AUTS2: variants seen among roughly 807,000 people sequenced by gnomAD.
The protein encoded by AUTS2 is autism susceptibility gene 2 protein.
Under a neutral mutation model 112.4 loss-of-function variants are expected in AUTS2, and 17 were observed. That is an observed-to-expected ratio of 0.15 (90% CI 0.10 to 0.23). The LOEUF (loss-of-function observed/expected upper bound fraction) is 0.23. Among genes scored for constraint, AUTS2 ranks in the 10% least tolerant of loss-of-function variants. The pLI, the probability that AUTS2 is intolerant of heterozygous loss-of-function variation, is 1.00. For missense variants in AUTS2, 1,510 were observed against 1,701.6 expected (o/e 0.89, Z 1.98); for synonymous variants, 751 against 702.7 (o/e 1.07, Z -1.09).
At chr7:69,936,342 TTTTTGTTTTGTTTTG>T (rs906251052) in intron 2 of AUTS2, among the ~76,000 whole-genome samples, 1 of 152,054 alleles carries the variant, frequency 6.6e-6, no homozygotes, top group Non-Finnish European at 1.5e-5. Flanking sequence ...CTACAGATTT[TTTTTGTTTTGTTTTG>T]TTTTGTTTTT....
chr7:70,507,114 T>G (rs1798995614), intron 5 of AUTS2, among the ~76,000 whole-genome samples: 2 of 152,170 alleles, frequency 1.3e-5, no homozygotes, highest in Admixed American at 1.3e-4. Context: ...GTAAGAACCT[T>G]GAGGAAATAA....
chr7:70,004,726 A>G (rs1420593678), intron 2 of AUTS2, among the ~76,000 whole-genome samples: 1 of 151,812 alleles, frequency 6.6e-6, no homozygotes, highest in Non-Finnish European at 1.5e-5. Flanking sequence ...AAAAAAAATT[A>G]CTTCATTTTC....
intron 2 of AUTS2, among the ~76,000 whole-genome samples, chr7:70,055,001 GTC>G (rs917485830): frequency 2.6e-5 from 4 of 151,886 alleles, no homozygotes; most frequent in African/African-American, 9.7e-5. Flanking sequence ...AATGCCACTT[GTC>G]TCTTTCTAAC....
intron 4 of AUTS2, among the ~76,000 whole-genome samples, chr7:70,143,978 A>C (rs1056073557): frequency 2.0e-5 from 3 of 152,102 alleles, no homozygotes; most frequent in Non-Finnish European, 4.4e-5. Flanking sequence ...ACAAATGACT[A>C]CTTATCTGTA....
At chr7:69,699,405 T>C (rs969445647) in intron 1 of AUTS2, among the ~76,000 whole-genome samples, 3 of 152,200 alleles carry the variant, frequency 2.0e-5, no homozygotes, top group African/African-American at 7.2e-5. Context: ...TCGCTTTTTC[T>C]GCCCTTTGTT....
At position 70,164,995 on chromosome 7, in the gene AUTS2, T is replaced by C. The variant is rs1808306600; in HGVS notation, c.660+30424T>C. On this transcript the variant is annotated intron_variant, in intron 4 of 18. Transcript: ENST00000342771. ...GGTGGACAATATACATAAATCGTGA[T>C]GTGGAATTTTAGTAGAGTGATGGAA... Among the ~76,000 whole-genome samples the C allele has an allele frequency of 3.3e-5, 5 of 152,094 alleles. No homozygotes were observed. In the South Asian group the frequency reaches 1.0e-3, roughly 32 times the overall value.
chr7:69,614,368 T>TCTTTCTTTCTTTCTTTCTTTCTTTC (rs1474509971), intron 1 of AUTS2, among the ~76,000 whole-genome samples: 2 of 19,534 alleles, frequency 1.0e-4, no homozygotes, highest in African/African-American at 3.8e-4. Context: ...TTCTTTCTTT[T>TCTTTCTTTCTTTCTTTCTTTCTTTC]TTTAAGAGAT....
chr7:69,606,170 A>C (rs538583359), intron 1 of AUTS2, among the ~76,000 whole-genome samples: 1 of 152,370 alleles, frequency 6.6e-6, no homozygotes, highest in East Asian at 1.9e-4. Flanking sequence ...AGGGTTAAGA[A>C]AACAGAACAG....
intron 1 of AUTS2, among the ~76,000 whole-genome samples, chr7:69,624,469 A>C (rs183983310): frequency 6.6e-6 from 1 of 152,324 alleles, no homozygotes; most frequent in African/African-American, 2.4e-5. Flanking sequence ...TTCAATTCTT[A>C]GTGAGAGAAG....
intron 4 of AUTS2, among the ~76,000 whole-genome samples, chr7:70,220,482 A>G (rs1285558025): frequency 6.6e-6 from 1 of 152,236 alleles, no homozygotes; most frequent in East Asian, 1.9e-4. Flanking sequence ...TAAGCTAGAA[A>G]GGAACCATAG....
intron 1 of AUTS2, among the ~76,000 whole-genome samples, chr7:69,617,165 T>A (rs939123841): frequency 7.9e-5 from 12 of 152,160 alleles, no homozygotes; most frequent in African/African-American, 2.9e-4. Flanking sequence ...CATTGATTCT[T>A]TTCATTATAA....
intron 5 of AUTS2, among the ~76,000 whole-genome samples, chr7:70,677,974 T>A (rs192547846): frequency 1.3e-5 from 2 of 151,902 alleles, no homozygotes; most frequent in African/African-American, 4.8e-5. Flanking sequence ...CCCAGCTACT[T>A]GGGAGGCTGA....
intron 2 of AUTS2, among the ~76,000 whole-genome samples, chr7:69,919,664 C>T (rs1795730219): frequency 6.6e-6 from 1 of 152,010 alleles, no homozygotes; most frequent in South Asian, 2.1e-4. Flanking sequence ...GCTCTTTGAC[C>T]CTCAGTTTCT....
At chr7:70,584,645 A>G (rs567668570) in intron 5 of AUTS2, among the ~76,000 whole-genome samples, 54 of 152,386 alleles carry the variant, frequency 3.5e-4, no homozygotes, top group Non-Finnish European at 6.9e-4. Context: ...CCCTGGGGGC[A>G]GTACAGAGAC....
At chr7:70,446,763 A>T (rs1796335446) in intron 5 of AUTS2, among the ~76,000 whole-genome samples, 1 of 152,122 alleles carries the variant, frequency 6.6e-6, no homozygotes, top group Non-Finnish European at 1.5e-5. Context: ...AGGCGGTCTG[A>T]TGGGGAGTCC....
intron 5 of AUTS2, among the ~76,000 whole-genome samples, chr7:70,438,872 G>A (rs1460963458): frequency 6.6e-6 from 1 of 152,210 alleles, no homozygotes; most frequent in Non-Finnish European, 1.5e-5. Context: ...GCTGTTGGAG[G>A]CAAAAGTGAA....
intron 4 of AUTS2, among the ~76,000 whole-genome samples, chr7:70,273,894 A>C (rs1262230407): frequency 6.6e-6 from 1 of 152,252 alleles, no homozygotes; most frequent in Non-Finnish European, 1.5e-5. Context: ...TTATAAGAGA[A>C]GATTTTAAAA....
At chr7:70,513,234 A>G (rs949148995) in intron 5 of AUTS2, among the ~76,000 whole-genome samples, 4 of 152,224 alleles carry the variant, frequency 2.6e-5, no homozygotes, top group Non-Finnish European at 5.9e-5. Context: ...ATAACAAAGC[A>G]CTGAAACAAT....
At chr7:70,281,707 C>G (rs1166876560) in intron 4 of AUTS2, among the ~76,000 whole-genome samples, 3 of 152,070 alleles carry the variant, frequency 2.0e-5, no homozygotes, top group African/African-American at 7.3e-5. Flanking sequence ...TTGTTTAGTG[C>G]TTTGAAGATT....
Sources: allele counts gnomAD v4.1 joint callset (sites outside exome capture counted in the v4.1 genomes callset), GRCh38; gene constraint gnomAD v4.1.1; transcripts MANE v1.5; gene names NCBI Gene and HGNC (gene_info 2026-07-23, HGNC 2026-07-21).